The following SUPT3H variants were observed in gnomAD, a reference collection of about 807,000 sequenced individuals.
The protein encoded by SUPT3H is transcription initiation protein SPT3 homolog.
Under a neutral mutation model 44.3 loss-of-function variants are expected in SUPT3H, and 44 were observed. That is an observed-to-expected ratio of 0.99 (90% CI 0.78 to 1.28). The LOEUF (loss-of-function observed/expected upper bound fraction) is 1.28. SUPT3H is among the 50% of genes most tolerant of loss of function. The probability of loss-of-function intolerance (pLI) is 0.00; values close to 1 mark genes in which losing one functional copy is unlikely to be tolerated. For synonymous variants in SUPT3H, 124 were observed against 125.6 expected, an observed-to-expected ratio of 0.99 and a Z score of 0.09; for missense variants, 380 against 387.1, an observed-to-expected ratio of 0.98 and a Z score of 0.15.
intron 10 of SUPT3H, among the ~76,000 whole-genome samples, chr6:44,887,774 A>G (rs1285910767): frequency 1.3e-5 from 2 of 151,712 alleles, no homozygotes; most frequent in East Asian, 3.9e-4. Context: ...AAATCAGAGC[A>G]GAACTGAAGG....
At chr6:45,073,217 G>A (rs1794618715) in intron 3 of SUPT3H, among the ~76,000 whole-genome samples, 1 of 151,946 alleles carries the variant, frequency 6.6e-6, no homozygotes, top group Non-Finnish European at 1.5e-5. Flanking sequence ...ACAATATAAT[G>A]AAACCTACCA....
At chr6:45,179,685 A>T (rs1412019103) in intron 2 of SUPT3H, among the ~76,000 whole-genome samples, 1 of 152,236 alleles carries the variant, frequency 6.6e-6, no homozygotes, top group African/African-American at 2.4e-5. Context: ...ACAACGCTTC[A>T]TGCTAAAAAC....
At chr6:44,955,155 G>C (rs1232987128) in intron 7 of SUPT3H, 1 of 154,994 alleles carries the variant, frequency 6.5e-6, no homozygotes, top group African/African-American at 2.4e-5. Flanking sequence ...AGCACGTGGA[G>C]ACCCACACTG....
chr6:45,079,170 C>T (rs547956570), intron 3 of SUPT3H, among the ~76,000 whole-genome samples: 9 of 152,070 alleles, frequency 5.9e-5, no homozygotes, highest in East Asian at 1.9e-4. Context: ...ATTAGCCAGG[C>T]GTGGCAGCAC....
At chr6:45,079,985 A>C (rs1795566914) in intron 3 of SUPT3H, among the ~76,000 whole-genome samples, 1 of 152,254 alleles carries the variant, frequency 6.6e-6, no homozygotes, top group Admixed American at 6.5e-5. Context: ...TGCACAGCAA[A>C]GGAAACAATC....
chr6:44,813,439 C>A (rs1766677060), intron 11 of SUPT3H, among the ~76,000 whole-genome samples: 1 of 152,044 alleles, frequency 6.6e-6, no homozygotes, highest in Admixed American at 6.5e-5. Flanking sequence ...TCCCCCCTAC[C>A]TTGGCCTCCC....
At chr6:45,321,330 A>C (rs1218243352) in intron 2 of SUPT3H, among the ~76,000 whole-genome samples, 7 of 152,330 alleles carry the variant, frequency 4.6e-5, no homozygotes, top group Non-Finnish European at 1.0e-4. Flanking sequence ...TGTATCACTT[A>C]AACATAAAAT....
At chr6:44,944,151 T>A (rs755324473) in intron 9 of SUPT3H, among the ~76,000 whole-genome samples, 5 of 146,732 alleles carry the variant, frequency 3.4e-5, no homozygotes, top group Non-Finnish European at 7.6e-5. Flanking sequence ...GACCTGGACC[T>A]ATATATATAC....
chr6:45,343,264 C>A (rs1790191724), intron 2 of SUPT3H, among the ~76,000 whole-genome samples: 1 of 152,120 alleles, frequency 6.6e-6, no homozygotes, highest in South Asian at 2.1e-4. Flanking sequence ...AATCCCAGCA[C>A]TTTGGGAGGC....
intron 6 of SUPT3H, among the ~76,000 whole-genome samples, chr6:44,989,794 G>A (rs1474438850): frequency 6.6e-6 from 1 of 151,880 alleles, no homozygotes; most frequent in Admixed American, 6.6e-5. Flanking sequence ...CCATTTTTAT[G>A]TCTTCTTTGG....
At chr6:45,259,546 G>A (rs534236234) in intron 2 of SUPT3H, among the ~76,000 whole-genome samples, 11 of 151,962 alleles carry the variant, frequency 7.2e-5, no homozygotes, top group Non-Finnish European at 1.3e-4. Context: ...TTTTGACCTC[G>A]TAGAAAACAG....
chr6:45,221,026 T>C (rs754149459), intron 2 of SUPT3H, among the ~76,000 whole-genome samples: 10 of 152,168 alleles, frequency 6.6e-5, no homozygotes, highest in East Asian at 1.9e-4. Context: ...AAATACACCA[T>C]AGAATACTAT....
At chr6:44,966,750 C>T (rs556085213) in intron 6 of SUPT3H, among the ~76,000 whole-genome samples, 7 of 152,212 alleles carry the variant, frequency 4.6e-5, no homozygotes, top group East Asian at 3.9e-4. Flanking sequence ...TTGGCTATTC[C>T]GTATAGTCAT....
At chr6:44,893,053 A>AAC (rs770989749) in intron 10 of SUPT3H, among the ~76,000 whole-genome samples, 3 of 151,964 alleles carry the variant, frequency 2.0e-5, no homozygotes, top group South Asian at 2.1e-4. Flanking sequence ...AATATATACA[A>AAC]ACACACACAC....
At chr6:44,878,514 G>A (rs1274166362) in intron 10 of SUPT3H, among the ~76,000 whole-genome samples, 1 of 151,868 alleles carries the variant, frequency 6.6e-6, no homozygotes, top group Non-Finnish European at 1.5e-5. Context: ...TACTGTGTAT[G>A]TGTGTGAATC....
At chr6:45,275,489 T>C (rs1385520157) in intron 2 of SUPT3H, among the ~76,000 whole-genome samples, 1 of 152,210 alleles carries the variant, frequency 6.6e-6, no homozygotes, top group Non-Finnish European at 1.5e-5. Context: ...ATCTAAAGTA[T>C]CACGTCTTGA....
chr6:45,049,894 GT>G (rs1303215758), intron 3 of SUPT3H, among the ~76,000 whole-genome samples: 1 of 152,064 alleles, frequency 6.6e-6, no homozygotes, highest in Admixed American at 6.5e-5. Flanking sequence ...AAAAATTCAT[GT>G]TATGTATCCA....
intron 5 of SUPT3H, among the ~76,000 whole-genome samples, chr6:45,005,516 G>A (rs757083596): frequency 6.6e-6 from 1 of 151,904 alleles, no homozygotes; most frequent in Non-Finnish European, 1.5e-5. Flanking sequence ...GAGGCGGGCG[G>A]ATCACCTGAG....
chr6:45,357,920 AAAG>A (rs1271154514), intron 2 of SUPT3H, among the ~76,000 whole-genome samples: 1 of 152,142 alleles, frequency 6.6e-6, no homozygotes, highest in East Asian at 1.9e-4. Context: ...TACATTCACA[AAAG>A]AACATTTTTA....
Sources: allele counts gnomAD v4.1 joint callset (sites outside exome capture counted in the v4.1 genomes callset), GRCh38; gene constraint gnomAD v4.1.1; transcripts MANE v1.5; gene names NCBI Gene and HGNC (gene_info 2026-07-23, HGNC 2026-07-21).